Variants in SSX7 observed in about 807,000 individuals in gnomAD.
SSX7 encodes the protein protein SSX7.
SSX7 carries 15 observed loss-of-function variants against 14.7 expected under a neutral mutation model. The ratio of observed to expected loss-of-function variants is 1.02; its 90% CI spans 0.68 to 1.58. The LOEUF (loss-of-function observed/expected upper bound fraction) is 1.58, where lower values mean the gene tolerates loss of function less well. Ranked by LOEUF, SSX7 falls within the 40% of genes most tolerant of loss-of-function variation. The pLI, the probability that SSX7 is intolerant of heterozygous loss-of-function variation, is 0.00. For missense variants in SSX7, 178 were observed against 146.8 expected, an observed-to-expected ratio of 1.21 and a Z score of -1.10; for synonymous variants, 46 against 50.6, an observed-to-expected ratio of 0.91 and a Z score of 0.38.
At chrX:52,649,730 A>G (rs1385739174) in intron 5 of SSX7, among the ~76,000 whole-genome samples, 1 of 112,029 alleles carries the variant, frequency 8.9e-6, no homozygotes, top group Admixed American at 9.5e-5. Flanking sequence ...GGTCTTTCCT[A>G]TTGCGAGAAT....
chrX:52,646,392 G>A (rs1156643653), intron 6 of SSX7, among the ~76,000 whole-genome samples: 2 of 112,673 alleles, frequency 1.8e-5, no homozygotes, highest in Admixed American at 1.9e-4. Flanking sequence ...ATACACAGTA[G>A]GTGTATATAC....
chrX:52,651,752 G>T (rs6568281), intron 4 of SSX7, among the ~76,000 whole-genome samples: 1 of 111,022 alleles, frequency 9.0e-6, no homozygotes, highest in African/African-American at 3.3e-5. Flanking sequence ...GCGGGCACCC[G>T]TAACCCCAGC....
At chrX:52,652,456 G>C in intron 3 of SSX7, 109 bp from the exon 4 acceptor site, 2 of 578,956 alleles carry the variant, frequency 3.5e-6, no homozygotes, top group East Asian at 6.8e-5. Context: ...AGTATTGCTT[G>C]AGGCCAGGAG....
chrX:52,652,354 A>G lies in SSX7; in HGVS notation c.185-7T>C, dbSNP rs782384050. 3 of 1,167,099 alleles carry G rather than the reference A, an allele frequency of 2.6e-6. No homozygotes were observed. The South Asian group carries it at 5.4e-5, about 21-fold the overall frequency. The stretch of plus-strand genomic sequence containing the variant: ...GGGAGGGTGGCCTTGAAGCCTAGAA[A>G]GAAGCAAAATGTTTATTCCTTAAGA... On this transcript the variant is annotated splice_region_variant and splice_polypyrimidine_tract_variant and intron_variant, in intron 3 of 7. Transcript: ENST00000298181.
At chrX:52,654,512 C>T (rs1295586676) in intron 1 of SSX7, among the ~76,000 whole-genome samples, 1 of 107,321 alleles carries the variant, frequency 9.3e-6, no homozygotes, top group Non-Finnish European at 1.9e-5. Flanking sequence ...GAATTACAAG[C>T]GTGAGCCACC....
In SSX7 at chrX:52,650,437, G is replaced by A. The variant is rs782798805; in HGVS notation, c.281-35C>T. The stretch of plus-strand genomic sequence containing the variant: ...AATATATCAGAATTTTTCTTTGTTG[G>A]TAAAGATTTCCAAACTCTAGAGACT... On this transcript the variant is annotated intron_variant, in intron 4 of 7. Transcript: ENST00000298181. 8.4e-6 allele frequency: 10 copies of A among 1,186,728 alleles called. No individual in the cohort carries two copies. The East Asian group carries it at 2.4e-4, about 28-fold the overall frequency.
At chrX:52,647,776 T>A (rs1326185685) in intron 6 of SSX7, among the ~76,000 whole-genome samples, 1 of 112,252 alleles carries the variant, frequency 8.9e-6, no homozygotes, top group Non-Finnish European at 1.9e-5. Context: ...ATAATGTTTT[T>A]ATGCACTGCT....
intron 5 of SSX7, 112 bp from the exon 6 acceptor site, chrX:52,648,508 T>C: frequency 9.2e-7 from 1 of 1,088,706 alleles, no homozygotes; most frequent in Non-Finnish European, 1.2e-6. Context: ...TCAACAATGC[T>C]GGGAGAGTTA....
At chrX:52,644,781 C>T (rs1925179799) in intron 7 of SSX7, 111 bp from the exon 8 acceptor site, 2 of 863,230 alleles carry the variant, frequency 2.3e-6, no homozygotes, top group Non-Finnish European at 3.4e-6. Flanking sequence ...TTCTGCCCTA[C>T]CCCAGGACCT....
intron 4 of SSX7, 123 bp downstream of exon 4, chrX:52,652,129 T>C: frequency 1.9e-6 from 1 of 533,067 alleles, no homozygotes; most frequent in Non-Finnish European, 3.1e-6. Context: ...TGCAATTTTT[T>C]TTTTTTTCAC....
Position 52,644,503 on chromosome X carries a change from A to T in SSX7, c.*172T>A. 1.3e-6 allele frequency: 1 copy of T among 767,236 alleles called. No individual in the cohort carries two copies. The allele number at this position is 767,236 out of a possible 1,213,427, so 63.2% of individuals were successfully genotyped here. On this transcript the variant is annotated 3_prime_UTR_variant, in exon 8 of 8. Coordinates refer to ENST00000298181, the MANE Select transcript of SSX7 (RefSeq NM_173358.2). Reference sequence around the variant, plus strand: ...AAGAAAATACAATGGAAACACTAACATCGAACTCTTGTCACACTAAGAAAA... The same window carrying T: ...AAGAAAATACAATGGAAACACTAACTTCGAACTCTTGTCACACTAAGAAAA...
chrX:52,644,484 A>G lies in SSX7; in HGVS notation c.*191T>C. 3.1e-6 allele frequency: 2 copies of G among 650,530 alleles called. No individual in the cohort carries two copies. Among genetic ancestry groups the G allele is most frequent in the Non-Finnish European group, 4.7e-6 (2 of 423,336 alleles). 53.6% of individuals were successfully genotyped at this position (650,530 alleles called of 1,213,427 possible). On this transcript the variant is annotated 3_prime_UTR_variant, in exon 8 of 8. Coordinates refer to ENST00000298181, the MANE Select transcript of SSX7 (RefSeq NM_173358.2). ...TAACAGAATGGCACACTGTAAGAAA[A>G]TACAATGGAAACACTAACATCGAAC...
chrX:52,652,755 T>C (rs1925477418), intron 3 of SSX7, 115 bp downstream of exon 3: 2 of 744,837 alleles, frequency 2.7e-6, no homozygotes, highest in Non-Finnish European at 3.9e-6. Context: ...CTTGCGATTT[T>C]TCCCTGCACA....
rs781834970 is a variant in SSX7 at position 52,647,954 on chromosome X, C to A, written c.466+307G>T. On this transcript the variant is annotated intron_variant, in intron 6 of 7. Coordinates refer to ENST00000298181, the MANE Select transcript of SSX7 (RefSeq NM_173358.2). ...TTGAGCACCTTTCATGTCATCAGGC[C>A]TTCTAGATTAAATTTAATGTCTCCA... 8.0e-5 allele frequency among the ~76,000 whole-genome samples: 9 copies of A among 111,957 alleles called. No individual in the cohort carries two copies. The South Asian group carries it at 3.4e-3, about 43-fold the overall frequency.
At chrX:52,653,997 C>T (rs1316314383) in intron 1 of SSX7, among the ~76,000 whole-genome samples, 2 of 110,910 alleles carry the variant, frequency 1.8e-5, no homozygotes, top group South Asian at 3.8e-4. Context: ...CTAATATGAA[C>T]GGATTTAGAG....
At chrX:52,653,130 AC>A (rs1925495863) in intron 2 of SSX7, 146 bp from the exon 3 acceptor site, 2 of 1,168,514 alleles carry the variant, frequency 1.7e-6, no homozygotes, top group Non-Finnish European at 1.1e-6. Flanking sequence ...TCCTAGCTTC[AC>A]CCCTGCCACA....
rs782493013 is a variant in SSX7 at position 52,651,240 on chromosome X, C to T, written c.281-838G>A. Among the ~76,000 whole-genome samples, 244 of 111,757 alleles carry T rather than the reference C, an allele frequency of 2.2e-3. 1 individual carries two copies. The highest frequency in any genetic ancestry group is 2.7e-3 in the Non-Finnish European group (142 of 53,192). On this transcript the variant is annotated intron_variant, in intron 4 of 7. Transcript: ENST00000298181. ...TTGGGAATGAAAAGACTATTTGGCT[C>T]TGATAAAATACAGAGAAACAGCGAT...
chrX:52,644,442 A>T lies in SSX7; in HGVS notation c.*233T>A. The T allele has an allele frequency of 2.0e-6, 1 of 488,190 alleles. No individual in the cohort carries two copies. Among genetic ancestry groups the T allele is most frequent in the Admixed American group, 3.3e-5 (1 of 29,863 alleles). 40.2% of individuals were successfully genotyped at this position (488,190 alleles called of 1,213,427 possible). A position where few individuals can be genotyped will look rare whatever the true frequency, so the allele number is the denominator to read the frequency against. Reference sequence around the variant, plus strand: ...CACATTAAGCATGTCTTGCTCATCAATGAAAACGCTAATATCTAACAGAAT... The same window carrying T: ...CACATTAAGCATGTCTTGCTCATCATTGAAAACGCTAATATCTAACAGAAT... On this transcript the variant is annotated 3_prime_UTR_variant, in exon 8 of 8. Coordinates refer to ENST00000298181, the MANE Select transcript of SSX7 (RefSeq NM_173358.2).
intron 1 of SSX7, among the ~76,000 whole-genome samples, chrX:52,654,257 A>AAC (rs782506103): frequency 0.014 from 1,548 of 106,820 alleles, 15 homozygotes; most frequent in African/African-American, 0.037. Context: ...ACAACAACAA[A>AAC]ACACACACAC....
Sources: gnomAD v4.1 joint callset for allele counts (sites outside exome capture counted in the v4.1 genomes callset) on GRCh38, gnomAD v4.1.1 for gene constraint, MANE v1.5 for transcripts, NCBI Gene and HGNC (gene_info 2026-07-23, HGNC 2026-07-21) for gene names.